The following KDM4C variants were observed in gnomAD, a reference collection of about 807,000 sequenced individuals.
KDM4C encodes lysine-specific demethylase 4C.
Under a neutral mutation model 129.3 loss-of-function variants are expected in KDM4C, and 81 were observed. That is an observed-to-expected ratio of 0.63 (90% CI 0.52 to 0.75). KDM4C has a LOEUF of 0.75. Ranked by LOEUF, KDM4C falls within the 30% of genes least tolerant of loss-of-function variation. The probability of loss-of-function intolerance (pLI) is 0.00; values close to 1 mark genes in which losing one functional copy is unlikely to be tolerated. For missense variants in KDM4C, 1,457 were observed against 1,304.0 expected, an observed-to-expected ratio of 1.12 and a Z score of -1.81; for synonymous variants, 573 against 456.1, an observed-to-expected ratio of 1.26 and a Z score of -3.26.
intron 1 of KDM4C, chr9:6,749,064 G>T: frequency 1.9e-6 from 1 of 532,302 alleles, no homozygotes; most frequent in Non-Finnish European, 3.6e-6. Flanking sequence ...TTGTTGCCCA[G>T]GCTGGAGTGC....
chr9:6,995,655 C>G (rs765314415), intron 12 of KDM4C, among the ~76,000 whole-genome samples: 1 of 152,094 alleles, frequency 6.6e-6, no homozygotes. Flanking sequence ...TCAGAAAGTA[C>G]TTACACCTTT....
chr9:7,140,015 T>G (rs114170928), intron 19 of KDM4C, among the ~76,000 whole-genome samples: 1,597 of 152,320 alleles, frequency 0.01, 29 homozygotes, highest in African/African-American at 0.037. Flanking sequence ...CTTCACCTCT[T>G]GACTTGGGAT....
At chr9:6,900,844 A>G (rs1289777432) in intron 8 of KDM4C, among the ~76,000 whole-genome samples, 1 of 152,136 alleles carries the variant, frequency 6.6e-6, no homozygotes, top group East Asian at 1.9e-4. Context: ...GTTCTGAGGC[A>G]TCTGTCTGGA....
chr9:7,029,024 G>C (rs1443933053), intron 15 of KDM4C, among the ~76,000 whole-genome samples: 1 of 152,054 alleles, frequency 6.6e-6, no homozygotes, highest in African/African-American at 2.4e-5. Context: ...CCTGATTTTT[G>C]GTTCTTATGA....
At chr9:6,722,164 C>G (rs1370348142) in intron 1 of KDM4C, among the ~76,000 whole-genome samples, 7 of 152,156 alleles carry the variant, frequency 4.6e-5, no homozygotes, top group Non-Finnish European at 8.8e-5. Context: ...CTGGTAAGGT[C>G]ACGAAGCCTT....
At chr9:6,769,191 A>C (rs1157406929) in intron 1 of KDM4C, among the ~76,000 whole-genome samples, 1 of 151,370 alleles carries the variant, frequency 6.6e-6, no homozygotes, top group Non-Finnish European at 1.5e-5. Flanking sequence ...TTAAGAAAGG[A>C]TTTCTAAGCT....
At chr9:7,004,870 G>A (rs1485899278) in intron 12 of KDM4C, among the ~76,000 whole-genome samples, 1 of 152,092 alleles carries the variant, frequency 6.6e-6, no homozygotes, top group Non-Finnish European at 1.5e-5. Flanking sequence ...TTTTCTGGAT[G>A]GCTGCTGCGG....
At chr9:6,869,869 A>G (rs1252696952) in intron 5 of KDM4C, among the ~76,000 whole-genome samples, 2 of 152,258 alleles carry the variant, frequency 1.3e-5, no homozygotes, top group South Asian at 2.1e-4. Flanking sequence ...AAAATTAAGT[A>G]TGCAATGTTC....
chr9:6,927,373 G>T (rs968090530), intron 8 of KDM4C, among the ~76,000 whole-genome samples: 1 of 152,244 alleles, frequency 6.6e-6, no homozygotes, highest in African/African-American at 2.4e-5. Flanking sequence ...CAAGTCATCC[G>T]CCTGCCTTGG....
At chr9:7,005,239 C>T (rs947469947) in intron 12 of KDM4C, among the ~76,000 whole-genome samples, 10 of 152,160 alleles carry the variant, frequency 6.6e-5, no homozygotes, top group Admixed American at 6.5e-4. Flanking sequence ...AGTTCAAGAC[C>T]AGCCTGGCCA....
At position 6,901,039 on chromosome 9, in the gene KDM4C, A is replaced by T. The variant is rs527655548; in HGVS notation, c.921+7807A>T. 2.0e-5 allele frequency among the ~76,000 whole-genome samples: 3 copies of T among 152,162 alleles called. No homozygotes were observed. In the South Asian group the frequency reaches 6.2e-4, roughly 32 times the overall value. Reference sequence around the variant, plus strand: ...TCAGTGTTTATAATAGTAAACACATAGGAAAAATTTTTACTAAAGGCTCTA... The same window carrying T: ...TCAGTGTTTATAATAGTAAACACATTGGAAAAATTTTTACTAAAGGCTCTA... On this transcript the variant is annotated intron_variant, in intron 8 of 21. Transcript: ENST00000381309.
chr9:6,861,651 C>A (rs927404080), intron 5 of KDM4C, among the ~76,000 whole-genome samples: 4 of 152,200 alleles, frequency 2.6e-5, no homozygotes, highest in African/African-American at 9.6e-5. Flanking sequence ...TCTATCCCCT[C>A]CTCTCTTCCT....
At chr9:6,912,707 G>C (rs957394255) in intron 8 of KDM4C, among the ~76,000 whole-genome samples, 2 of 152,176 alleles carry the variant, frequency 1.3e-5, no homozygotes, top group Non-Finnish European at 2.9e-5. Context: ...AGAAATGTTT[G>C]TAAGGTTGTT....
At chr9:6,917,991 A>G (rs1769196738) in intron 8 of KDM4C, among the ~76,000 whole-genome samples, 1 of 152,122 alleles carries the variant, frequency 6.6e-6, no homozygotes, top group Non-Finnish European at 1.5e-5. Flanking sequence ...TATTTCTCCC[A>G]TTTGAAAAAT....
Position 6,919,216 on chromosome 9 carries a change from CTTTTTCCT to C in KDM4C, c.921+25986_921+25993del, listed in dbSNP as rs200943798. ...AAGTTTCTTACAGATTCTGAATTTT[CTTTTTCCT>C]TCTTTCTTTCTTTCTTTCTTTCTTT... On this transcript the variant is annotated intron_variant, in intron 8 of 21. Transcript: ENST00000381309. Among the ~76,000 whole-genome samples the C allele has an allele frequency of 4.5e-3, 372 of 82,100 alleles. 2 individuals are homozygous for C. The highest frequency in any genetic ancestry group is 0.016 in the African/African-American group (334 of 20,708). 53.9% of individuals were successfully genotyped at this position (82,100 alleles called of 152,430 possible). A position where few individuals can be genotyped will look rare whatever the true frequency, so the allele number is the denominator to read the frequency against.
rs188184102 is a variant in KDM4C, at chr9:6,864,334, T to A, written c.629+14634T>A. On this transcript the variant is annotated intron_variant, in intron 5 of 21. Transcript: ENST00000381309. The stretch of plus-strand genomic sequence containing the variant: ...TTTGAAAATGCCATCTCACTACTTC[T>A]TGGCCTATATGATTTCATTGAGAGA... 5.8e-4 allele frequency among the ~76,000 whole-genome samples: 89 copies of A among 152,360 alleles called. 1 individual carries two copies. Among genetic ancestry groups the A allele is most frequent in the Non-Finnish European group, 5.6e-4 (38 of 68,036 alleles).
intron 17 of KDM4C, among the ~76,000 whole-genome samples, chr9:7,097,743 A>G (rs1450504440): frequency 6.6e-6 from 1 of 152,166 alleles, no homozygotes; most frequent in Non-Finnish European, 1.5e-5. Flanking sequence ...TATGGCTGTA[A>G]AGCTTTTGTT....
rs565543358 is a variant in KDM4C, at chr9:7,132,849, A to C, written c.2781+4613A>C. On this transcript the variant is annotated intron_variant, in intron 19 of 21. Coordinates refer to ENST00000381309, the MANE Select transcript of KDM4C (RefSeq NM_015061.6). ...ACGGTGGACACTTGAGTTCTCACTTAACATTCACCACTGGGCATGAGAAGA... is the reference window on the plus strand; with the variant it reads ...ACGGTGGACACTTGAGTTCTCACTTCACATTCACCACTGGGCATGAGAAGA... 2.0e-5 allele frequency among the ~76,000 whole-genome samples: 3 copies of C among 152,334 alleles called. No homozygotes were observed. The South Asian group carries it at 6.2e-4, about 32-fold the overall frequency.
At chr9:6,881,951 G>A (rs564932116) in intron 6 of KDM4C, among the ~76,000 whole-genome samples, 1 of 152,278 alleles carries the variant, frequency 6.6e-6, no homozygotes, top group East Asian at 1.9e-4. Flanking sequence ...TGAAAAGTAG[G>A]CTCAGATATT....
Sources: allele counts gnomAD v4.1 joint callset (sites outside exome capture counted in the v4.1 genomes callset), GRCh38; gene constraint gnomAD v4.1.1; transcripts MANE v1.5; gene names NCBI Gene and HGNC (gene_info 2026-07-23, HGNC 2026-07-21).